The following SPAM1 variants were observed in gnomAD, a reference collection of about 807,000 sequenced individuals.
SPAM1 encodes hyaluronidase PH-20.
A neutral mutation model predicts 29.6 loss-of-function variants in SPAM1; 22 were observed. That is an observed-to-expected ratio of 0.74 (90% CI 0.53 to 1.06). SPAM1 has a LOEUF of 1.06. Among genes scored for constraint, SPAM1 ranks in the 50% least tolerant of loss-of-function variants. The probability of loss-of-function intolerance (pLI) is 0.00; values close to 1 mark genes in which losing one functional copy is unlikely to be tolerated. For synonymous variants in SPAM1, 194 were observed against 204.6 expected, an observed-to-expected ratio of 0.95 and a Z score of 0.44; for missense variants, 534 against 604.0, an observed-to-expected ratio of 0.88 and a Z score of 1.21.
chr7:123,933,267 G>A (rs1205938734), intron 1 of SPAM1, among the ~76,000 whole-genome samples: 1 of 151,770 alleles, frequency 6.6e-6, no homozygotes, highest in African/African-American at 2.4e-5. Flanking sequence ...TCCCCTCCCT[G>A]TGACCATGTG....
intron 1 of SPAM1, among the ~76,000 whole-genome samples, chr7:123,931,204 A>C (rs1489840074): frequency 6.6e-6 from 1 of 152,170 alleles, no homozygotes; most frequent in East Asian, 1.9e-4. Flanking sequence ...CCTGCCTCTC[A>C]GTCCCATTTG....
In SPAM1 at chr7:123,953,847, G is replaced by A; in HGVS notation, c.277G>A (p.Val93Ile). 1 of 1,613,662 alleles carries A rather than the reference G, an allele frequency of 6.2e-7. No individual in the cohort carries two copies. The highest frequency in any genetic ancestry group is 8.5e-7 in the Non-Finnish European group (1 of 1,179,778). ...CGGGCAAGGTGTTACAATATTTTAT[G>A]TTGATAGACTTGGCTACTATCCTTA... ...ATGQGVTIFY[V>I]DRLGYYPYID... Residue 93 changes from valine (V) to isoleucine (I), a missense_variant, in exon 3 of 5, where the codon GTT (valine) becomes ATT (isoleucine). Transcript: ENST00000682466.
At position 123,959,510 on chromosome 7, in the gene SPAM1, C is replaced by T; in HGVS notation, c.1071C>T (p.Tyr357=). 6.2e-7 allele frequency: 1 copy of T among 1,608,810 alleles called. No homozygotes were observed. The highest frequency in any genetic ancestry group is 2.2e-5 in the East Asian group (1 of 44,740). The change falls in exon 5 of 5, where the codon TAC becomes TAT. Residue 357 remains tyrosine, a synonymous_variant. Coordinates refer to ENST00000682466, the MANE Select transcript of SPAM1 (RefSeq NM_153189.3). ...SMKSCLLLDN[Y]METILNPYII... is the part of the protein sequence containing the mutation. ...AATCTTGCTTGCTCCTAGACAATTACATGGAGACTATACTGAATCCTTACA... is the reference window on the plus strand; with the variant it reads ...AATCTTGCTTGCTCCTAGACAATTATATGGAGACTATACTGAATCCTTACA...
downstream of SPAM1, chr7:123,960,093 T>C (rs565244293): frequency 2.1e-4 from 281 of 1,354,632 alleles, no homozygotes; most frequent in Admixed American, 6.6e-4. Context: ...TCTGAATAAC[T>C]ATACCTAGGA....
chr7:123,946,561 A>G (rs555941265), intron 1 of SPAM1, among the ~76,000 whole-genome samples: 3 of 152,264 alleles, frequency 2.0e-5, no homozygotes, highest in East Asian at 1.9e-4. Flanking sequence ...AATGTCCTCA[A>G]GTAGGTTAGG....
At chr7:123,970,059 C>T (rs866285819) in intron 5 of SPAM1, 28 of 710,896 alleles carry the variant, frequency 3.9e-5, no homozygotes, top group African/African-American at 7.2e-5. Context: ...TCCTTTAGTC[C>T]GGGTTCACTT....
chr7:123,953,262 A>C (rs1311034938), intron 2 of SPAM1, 103 bp from the exon 3 acceptor site: 2 of 253,080 alleles, frequency 7.9e-6, no homozygotes, highest in Non-Finnish European at 1.5e-5. Flanking sequence ...CCATCTTCTA[A>C]AATGAAATTA....
Position 123,954,006 on chromosome 7 carries a change from G to A in SPAM1, c.436G>A (p.Asp146Asn). 6.2e-7 allele frequency: 1 copy of A among 1,613,676 alleles called. No homozygotes were observed. The highest frequency in any genetic ancestry group is 8.5e-7 in the Non-Finnish European group (1 of 1,179,790). The change falls in exon 3 of 5, where the codon GAC becomes AAC. Residue 146 changes from aspartate to asparagine, a missense_variant. Coordinates refer to ENST00000682466, the MANE Select transcript of SPAM1 (RefSeq NM_153189.3). ...PVDNLGMAVI[D>N]WEEWRPTWAR... ...AGACAATTTGGGAATGGCTGTTATT[G>A]ACTGGGAAGAATGGAGACCCACTTG...
At chr7:123,938,028 G>T (rs1808308615) in intron 1 of SPAM1, among the ~76,000 whole-genome samples, 1 of 151,800 alleles carries the variant, frequency 6.6e-6, no homozygotes, top group Non-Finnish European at 1.5e-5. Flanking sequence ...GGCAGTTGGT[G>T]CTGGGAAGAT....
chr7:123,965,244 A>C (rs907145010), intron 5 of SPAM1, among the ~76,000 whole-genome samples: 1 of 151,986 alleles, frequency 6.6e-6, no homozygotes, highest in Admixed American at 6.6e-5. Flanking sequence ...ACATTATAAC[A>C]CAAGGGAACT....
Position 123,959,904 on chromosome 7 carries a change from C to G in SPAM1, c.1465C>G (p.Leu489Val), listed in dbSNP as rs775926758. 23 of 1,612,438 alleles carry G rather than the reference C, an allele frequency of 1.4e-5. No individual in the cohort carries two copies. The South Asian group carries it at 2.5e-4, about 18-fold the overall frequency. Residue 489 changes from leucine to valine, a missense_variant, in exon 5 of 5, where the codon CTA (leucine) becomes GTA (valine). Transcript: ENST00000682466. ...QIFYNASPST[L>V]SATMFIVSIL... ...TTTCTACAATGCTTCACCCTCCACA[C>G]TATCTGCCACAATGTTCATTGTTAG...
At position 123,959,708 on chromosome 7, in the gene SPAM1, T is replaced by C. The variant is rs1792326508; in HGVS notation, c.1269T>C (p.Leu423=). The C allele has an allele frequency of 1.2e-6, 2 of 1,613,338 alleles. No homozygotes were observed. The highest frequency in any genetic ancestry group is 1.7e-4 in the Middle Eastern group (1 of 6,050). ...TCACAGTACGTGGAAAACCGACACTTGAAGACCTGGAGCAATTTTCTGAAA... is the reference window on the plus strand; with the variant it reads ...TCACAGTACGTGGAAAACCGACACTCGAAGACCTGGAGCAATTTTCTGAAA... ...GKFTVRGKPT[L]EDLEQFSEKF... Residue 423 remains leucine, a synonymous_variant, in exon 5 of 5, where the codon CTT becomes CTC. Coordinates refer to ENST00000682466, the MANE Select transcript of SPAM1 (RefSeq NM_153189.3).
intron 1 of SPAM1, chr7:123,947,726 G>C (rs1808631358): frequency 6.6e-6 from 1 of 152,096 alleles, no homozygotes; most frequent in Non-Finnish European, 1.5e-5. Context: ...AGAGCTAATA[G>C]ATTGGAGTGA....
At chr7:123,947,995 A>G (rs1400258842) in intron 1 of SPAM1, among the ~76,000 whole-genome samples, 1 of 152,146 alleles carries the variant, frequency 6.6e-6, no homozygotes, top group Non-Finnish European at 1.5e-5. Context: ...GAATAATTTG[A>G]CAATAATAAT....
chr7:123,953,713 C>A lies in SPAM1; in HGVS notation c.143C>A (p.Pro48His). The change falls in exon 3 of 5, where the codon CCT becomes CAT. Residue 48 changes from proline (P) to histidine (H), a missense_variant. Coordinates refer to ENST00000682466, the MANE Select transcript of SPAM1 (RefSeq NM_153189.3). ...FRAPPVIPNVPFLWAWNAPSE... is the reference protein window; with the variant it reads ...FRAPPVIPNVHFLWAWNAPSE... Reference sequence around the variant, plus strand: ...GCACCTCCTGTTATTCCAAATGTGCCTTTCCTCTGGGCCTGGAATGCCCCA... The same window carrying A: ...GCACCTCCTGTTATTCCAAATGTGCATTTCCTCTGGGCCTGGAATGCCCCA... The A allele has an allele frequency of 6.2e-7, 1 of 1,613,358 alleles. No individual in the cohort carries two copies.
chr7:123,968,845 T>A (rs946522808), intron 5 of SPAM1, among the ~76,000 whole-genome samples: 2 of 152,098 alleles, frequency 1.3e-5, no homozygotes, highest in Admixed American at 6.6e-5. Flanking sequence ...TTCATATGTG[T>A]AAGCTCTTTG....
chr7:123,963,547 A>G (rs1025107763), downstream of SPAM1, among the ~76,000 whole-genome samples: 1 of 151,858 alleles, frequency 6.6e-6, no homozygotes, highest in African/African-American at 2.4e-5. Flanking sequence ...TATGATAATC[A>G]TCATTATATT....
chr7:123,934,944 C>G (rs1260298027), intron 1 of SPAM1, among the ~76,000 whole-genome samples: 2 of 151,978 alleles, frequency 1.3e-5, no homozygotes, highest in African/African-American at 4.8e-5. Context: ...TTTATTGTGA[C>G]TATAGTTAAC....
intron 1 of SPAM1, among the ~76,000 whole-genome samples, chr7:123,942,716 A>T (rs188643522): frequency 3.3e-5 from 5 of 152,306 alleles, no homozygotes; most frequent in Admixed American, 3.3e-4. Flanking sequence ...AGAAAGTGAC[A>T]TTCTTTACTT....
Sources: allele counts gnomAD v4.1 joint callset (sites outside exome capture counted in the v4.1 genomes callset), GRCh38; gene constraint gnomAD v4.1.1; transcripts MANE v1.5; gene names NCBI Gene and HGNC (gene_info 2026-07-23, HGNC 2026-07-21).